The following MIPOL1 variants were observed in gnomAD, a reference collection of about 807,000 sequenced individuals.
MIPOL1 encodes mirror-image polydactyly 1, also known as mirror-image polydactyly gene 1 protein.
A neutral mutation model predicts 60.9 loss-of-function variants in MIPOL1; 57 were observed. The observed-to-expected ratio is 0.94, with a 90% CI of 0.76 to 1.17. The LOEUF (loss-of-function observed/expected upper bound fraction) is 1.17. Ranked by LOEUF, MIPOL1 falls within the 50% of genes most tolerant of loss-of-function variation. MIPOL1 has a pLI of 0.00. For synonymous variants in MIPOL1, 179 were observed against 168.8 expected (o/e 1.06, Z -0.47); for missense variants, 551 against 511.6 (o/e 1.08, Z -0.74).
chr14:37,317,985 T>C (rs1172305711), intron 9 of MIPOL1, among the ~76,000 whole-genome samples: 3 of 152,166 alleles, frequency 2.0e-5, no homozygotes, highest in African/African-American at 7.2e-5. Flanking sequence ...GAGAAGATAA[T>C]ATAATGACAC....
Position 37,369,515 on chromosome 14 carries a change from A to C in MIPOL1, c.829-2A>C. ...CTTAATGGGATTCTTCCCCTGTGGC[A>C]GTGCAAACGGTTAGAGCAGGAGCTT... On this transcript the variant is annotated splice_acceptor_variant, in intron 9 of 12. Coordinates refer to ENST00000684589, the MANE Select transcript of MIPOL1 (RefSeq NM_001388067.1). LOFTEE classifies it high-confidence loss of function. The C allele has an allele frequency of 1.9e-6, 3 of 1,607,792 alleles. No individual in the cohort carries two copies. Among genetic ancestry groups the C allele is most frequent in the Non-Finnish European group, 2.6e-6 (3 of 1,175,662 alleles).
chr14:37,407,720 C>A (rs2093611336), intron 10 of MIPOL1, among the ~76,000 whole-genome samples: 1 of 151,752 alleles, frequency 6.6e-6, no homozygotes, highest in Non-Finnish European at 1.5e-5. Flanking sequence ...TAATACTGAG[C>A]TTAAAAGTGA....
At chr14:37,359,830 G>A (rs76317104) in intron 9 of MIPOL1, among the ~76,000 whole-genome samples, 4 of 152,084 alleles carry the variant, frequency 2.6e-5, no homozygotes, top group Non-Finnish European at 5.9e-5. Context: ...TTGCCCGATT[G>A]CCCTGGCCAG....
chr14:37,275,357 T>G (rs1314771850), intron 6 of MIPOL1, among the ~76,000 whole-genome samples: 1 of 151,164 alleles, frequency 6.6e-6, no homozygotes, highest in Admixed American at 6.6e-5. Context: ...AAACATTGCA[T>G]TTTTGTTCTT....
chr14:37,318,585 A>AT (rs2088190550), intron 9 of MIPOL1, among the ~76,000 whole-genome samples: 1 of 152,058 alleles, frequency 6.6e-6, no homozygotes, highest in Non-Finnish European at 1.5e-5. Flanking sequence ...TTACTGTGAA[A>AT]TTTTTACAAC....
At position 37,308,500 on chromosome 14, in the gene MIPOL1, G is replaced by A. The variant is rs765555866; in HGVS notation, c.809G>A (p.Arg270Gln). 17 of 1,585,180 alleles carry A rather than the reference G, an allele frequency of 1.1e-5. No individual in the cohort carries two copies. Among genetic ancestry groups the A allele is most frequent in the East Asian group, 4.6e-5 (2 of 43,704 alleles). ...AEEMSALIEE[R>Q]DAALSKCKRL... ...GAAATGAGTGCACTAATAGAAGAACGGGATGCTGCCTTGTCTAAGGTAACT... is the reference window on the plus strand; with the variant it reads ...GAAATGAGTGCACTAATAGAAGAACAGGATGCTGCCTTGTCTAAGGTAACT... The change falls in exon 9 of 13, where the codon CGG (arginine) becomes CAG (glutamine). Residue 270 changes from arginine to glutamine, a missense_variant. Arg to Gln is a conservative substitution (Grantham distance 43). Transcript: ENST00000684589.
intron 12 of MIPOL1, among the ~76,000 whole-genome samples, chr14:37,512,409 A>T (rs2095335368): frequency 6.6e-6 from 1 of 152,044 alleles, no homozygotes; most frequent in South Asian, 2.1e-4. Flanking sequence ...TGTAGGTTGA[A>T]TTATAAAACA....
intron 10 of MIPOL1, among the ~76,000 whole-genome samples, chr14:37,374,337 C>T (rs547633587): frequency 5.3e-5 from 8 of 152,210 alleles, no homozygotes; most frequent in African/African-American, 1.9e-4. Context: ...TGTAGGTTGC[C>T]TGTTCACTCT....
Position 37,247,787 on chromosome 14 carries a change from T to C in MIPOL1, c.-60-42T>C, listed in dbSNP as rs1182404521. ...GGTAAGATTTAGGTGTGTTCTGATA[T>C]ATTGTTTTCAGTTTATTTATCTAGA... On this transcript the variant is annotated intron_variant, in intron 2 of 12. Coordinates refer to ENST00000684589, the MANE Select transcript of MIPOL1 (RefSeq NM_001388067.1). The C allele has an allele frequency of 6.9e-6, 8 of 1,153,100 alleles. No individual in the cohort carries two copies. The East Asian group carries it at 9.8e-5, about 14-fold the overall frequency. The allele number at this position is 1,153,100 out of a possible 1,614,324, so 71.4% of individuals were successfully genotyped here. A position where few individuals can be genotyped will look rare whatever the true frequency, so the allele number is the denominator to read the frequency against.
chr14:37,392,281 G>A (rs1163283202), intron 10 of MIPOL1, among the ~76,000 whole-genome samples: 2 of 152,008 alleles, frequency 1.3e-5, no homozygotes, highest in Non-Finnish European at 2.9e-5. Context: ...TATGGATTTT[G>A]CACATTTGTT....
chr14:37,297,585 C>G (rs1246142330), intron 7 of MIPOL1, among the ~76,000 whole-genome samples: 1 of 152,166 alleles, frequency 6.6e-6, no homozygotes, highest in East Asian at 1.9e-4. Flanking sequence ...TCTCCTTAAG[C>G]TGATAAGCAA....
intron 12 of MIPOL1, among the ~76,000 whole-genome samples, chr14:37,544,445 G>C (rs1339441731): frequency 6.6e-6 from 1 of 152,142 alleles, no homozygotes; most frequent in Admixed American, 6.5e-5. Flanking sequence ...CCCTTTTCCT[G>C]TTTCATGAAG....
chr14:37,516,195 A>G (rs1042326106), intron 12 of MIPOL1, among the ~76,000 whole-genome samples: 2 of 152,212 alleles, frequency 1.3e-5, no homozygotes, highest in Non-Finnish European at 2.9e-5. Flanking sequence ...TAACGTAAAG[A>G]TGTGGTGTTC....
chr14:37,426,564 A>AATATATATATATATATATAT, intron 11 of MIPOL1, among the ~76,000 whole-genome samples: 2 of 20,618 alleles, frequency 9.7e-5, no homozygotes, highest in Admixed American at 7.0e-4. Context: ...TCTGTCTCAA[A>AATATATATATATATATATAT]ATATACATAT....
intron 12 of MIPOL1, chr14:37,504,303 T>G (rs111431735): frequency 4.6e-5 from 7 of 152,012 alleles, no homozygotes; most frequent in Non-Finnish European, 8.8e-5. Flanking sequence ...CAGAATATAC[T>G]TTCTTCTCAG....
intron 3 of MIPOL1, among the ~76,000 whole-genome samples, chr14:37,257,133 T>TGTG (rs1594768334): frequency 3.6e-3 from 258 of 71,032 alleles, no homozygotes; most frequent in African/African-American, 0.011. Context: ...GTGTGTGTGT[T>TGTG]TGAGAAACAA....
chr14:37,426,584 T>TATATATATATATAC (rs1315985215), intron 11 of MIPOL1, among the ~76,000 whole-genome samples: 4 of 137,216 alleles, frequency 2.9e-5, no homozygotes, highest in African/African-American at 8.3e-5. Flanking sequence ...TATATATATA[T>TATATATATATATAC]ATATATATAT....
intron 11 of MIPOL1, among the ~76,000 whole-genome samples, chr14:37,488,654 A>C (rs879915316): frequency 6.6e-6 from 1 of 152,066 alleles, no homozygotes; most frequent in Non-Finnish European, 1.5e-5. Context: ...ATCTCTCAGC[A>C]TTTGCTTGTC....
At chr14:37,417,365 T>A (rs2093789155) in intron 10 of MIPOL1, among the ~76,000 whole-genome samples, 1 of 152,138 alleles carries the variant, frequency 6.6e-6, no homozygotes, top group African/African-American at 2.4e-5. Flanking sequence ...ATATGACTAC[T>A]TTTGACTGAG....
Sources: gnomAD v4.1 joint callset for allele counts (sites outside exome capture counted in the v4.1 genomes callset) on GRCh38, gnomAD v4.1.1 for gene constraint, MANE v1.5 for transcripts, NCBI Gene and HGNC (gene_info 2026-07-23, HGNC 2026-07-21) for gene names.